UBL5: variants seen among roughly 807,000 people sequenced by gnomAD.
UBL5 encodes the protein ubiquitin like 5, also known as ubiquitin-like protein 5.
A neutral mutation model predicts 11.7 loss-of-function variants in UBL5; 13 were observed. The observed-to-expected ratio is 1.11, with a 90% CI of 0.73 to 1.77. UBL5 has a LOEUF of 1.77. UBL5 is among the 40% of genes most tolerant of loss of function. The pLI, the probability that UBL5 is intolerant of heterozygous loss-of-function variation, is 0.00. For missense variants in UBL5, 58 were observed against 92.3 expected, an observed-to-expected ratio of 0.63 and a Z score of 1.52; for synonymous variants, 28 against 34.7, an observed-to-expected ratio of 0.81 and a Z score of 0.68.
At chr19:9,829,908 G>C in intron 4 of UBL5, 57 bp from the exon 5 acceptor site, 1 of 1,607,860 alleles carries the variant, frequency 6.2e-7, no homozygotes, top group East Asian at 2.2e-5. Context: ...GCTGTGAATG[G>C]ATGAGAGGGG....
At position 9,828,368 on chromosome 19, in the gene UBL5, G is replaced by T. The variant is rs776708888; in HGVS notation, c.31G>T (p.Gly11Trp). ...CGAGGTTGTTTGCAACGACCGTCTG[G>T]GGAAGAAGGTCCGCGTTAAATGCAA... MIEVVCNDRL[G>W]KKVRVKCNTD... The change falls in exon 2 of 5, where the codon GGG (glycine) becomes TGG (tryptophan). Residue 11 changes from glycine to tryptophan, a missense_variant. Physicochemically the swap from Gly to Trp is radical, Grantham distance 184. Coordinates refer to ENST00000586895, the MANE Select transcript of UBL5 (RefSeq NM_001048241.3). 1.9e-6 allele frequency: 3 copies of T among 1,614,112 alleles called. No individual in the cohort carries two copies. In the Admixed American group the frequency reaches 5.0e-5, roughly 27 times the overall value.
intron 3 of UBL5, 22 bp from the exon 4 acceptor site, chr19:9,828,815 C>G: frequency 6.2e-7 from 1 of 1,614,100 alleles, no homozygotes; most frequent in East Asian, 2.2e-5. Flanking sequence ...AGCCTTATCT[C>G]TGAAATGTCT....
At chr19:9,829,915 G>T in intron 4 of UBL5, 50 bp from the exon 5 acceptor site, 1 of 1,610,486 alleles carries the variant, frequency 6.2e-7, no homozygotes, top group African/African-American at 1.3e-5. Context: ...ATGGATGAGA[G>T]GGGTGGGGAC....
intron 4 of UBL5, chr19:9,829,192 A>G: frequency 3.2e-6 from 1 of 313,880 alleles, no homozygotes; most frequent in South Asian, 5.3e-5. Context: ...TATTTTATTT[A>G]TTTATTTTTT....
chr19:9,828,229 G>A, intron 1 of UBL5, 98 bp from the exon 2 acceptor site: 1 of 1,173,766 alleles, frequency 8.5e-7, no homozygotes. Flanking sequence ...GAATTTTAGG[G>A]CCTGGGACTG....
Position 9,828,693 on chromosome 19 carries a change from G to C in UBL5, c.140+18G>C, listed in dbSNP as rs370556447. 9 of 1,614,048 alleles carry C rather than the reference G, an allele frequency of 5.6e-6. No homozygotes were observed. On this transcript the variant is annotated intron_variant, in intron 3 of 4. Coordinates refer to ENST00000586895, the MANE Select transcript of UBL5 (RefSeq NM_001048241.3). The stretch of plus-strand genomic sequence containing the variant: ...AAGAAGTGGTGAGTGCAGCGGTAGA[G>C]CCACTGGGTGGACTGGACTAGGCCG...
rs1324485800 is a variant in UBL5, at chr19:9,828,667, G to A, written c.132G>A (p.Leu44=). ...QTGTRWNKIV[L]KKWYTIFKDH... is the part of the protein sequence containing the mutation. ...GTACCCGTTGGAACAAGATTGTCCT[G>A]AAGAAGTGGTGAGTGCAGCGGTAGA... The change falls in exon 3 of 5, where the codon CTG becomes CTA. Residue 44 remains leucine (L), a synonymous_variant. Transcript: ENST00000586895. The A allele has an allele frequency of 6.2e-7, 1 of 1,614,134 alleles. No homozygotes were observed. Among genetic ancestry groups the A allele is most frequent in the Non-Finnish European group, 8.5e-7 (1 of 1,180,050 alleles).
At position 9,827,952 on chromosome 19, in the gene UBL5, C is replaced by G. The variant is rs976571300; in HGVS notation, c.-44C>G. ...CGGGGTTCAGCGCTCGGGTGAGGAG[C>G]TGGTGGCGTCGGCAGGTTCGAGGCG... On this transcript the variant is annotated 5_prime_UTR_variant, in exon 1 of 5. Coordinates refer to ENST00000586895, the MANE Select transcript of UBL5 (RefSeq NM_001048241.3). The G allele has an allele frequency of 9.3e-6, 3 of 321,080 alleles. No individual in the cohort carries two copies. The highest frequency in any genetic ancestry group is 4.7e-5 in the Admixed American group (1 of 21,504). 19.9% of individuals were successfully genotyped at this position (321,080 alleles called of 1,614,324 possible).
chr19:9,828,904 A>G (rs753257880), intron 4 of UBL5, 30 bp downstream of exon 4: 5 of 1,611,238 alleles, frequency 3.1e-6, no homozygotes, highest in Admixed American at 1.7e-5. Flanking sequence ...TTGAGGAAGC[A>G]TCTACATACC....
At chr19:9,828,482 G>C in intron 2 of UBL5, 89 bp downstream of exon 2, 1 of 1,608,532 alleles carries the variant, frequency 6.2e-7, no homozygotes, top group Non-Finnish European at 8.5e-7. Context: ...GATGGTTTTA[G>C]TTAAACCCGG....
At chr19:9,829,928 A>G in intron 4 of UBL5, 37 bp from the exon 5 acceptor site, 1 of 1,613,762 alleles carries the variant, frequency 6.2e-7, no homozygotes, top group East Asian at 2.2e-5. Context: ...GTGGGGACGG[A>G]AGTCAGAGTC....
intron 3 of UBL5, 79 bp from the exon 4 acceptor site, chr19:9,828,758 C>T: frequency 6.2e-7 from 1 of 1,610,234 alleles, no homozygotes; most frequent in East Asian, 2.2e-5. Flanking sequence ...CAGCCCTTTG[C>T]TTAGGCTTGG....
Position 9,828,886 on chromosome 19 carries a change from G to T in UBL5, c.178+12G>T. Reference sequence around the variant, plus strand: ...GTCTCTGGGGGACTGTATCCTTTGTGTGACTTTTTGAGGAAGCATCTACAT... The same window carrying T: ...GTCTCTGGGGGACTGTATCCTTTGTTTGACTTTTTGAGGAAGCATCTACAT... On this transcript the variant is annotated intron_variant, in intron 4 of 4. Coordinates refer to ENST00000586895, the MANE Select transcript of UBL5 (RefSeq NM_001048241.3). 1.2e-6 allele frequency: 2 copies of T among 1,614,076 alleles called. No homozygotes were observed. The highest frequency in any genetic ancestry group is 1.7e-6 in the Non-Finnish European group (2 of 1,179,916).
chr19:9,829,392 G>T (rs1211334705), intron 4 of UBL5: 1 of 163,118 alleles, frequency 6.1e-6, no homozygotes, highest in Admixed American at 5.8e-5. Context: ...TGTATGCCAG[G>T]CTAGTCTCAA....
intron 4 of UBL5, 40 bp downstream of exon 4, chr19:9,828,914 C>G (rs745732523): frequency 6.2e-6 from 10 of 1,602,616 alleles, no homozygotes; most frequent in South Asian, 1.1e-5. Context: ...ATCTACATAC[C>G]CAGCCTCGGT....
chr19:9,829,754 C>T, intron 4 of UBL5: 1 of 548,348 alleles, frequency 1.8e-6, no homozygotes, highest in Non-Finnish European at 3.2e-6. Flanking sequence ...GCTTCGTCCT[C>T]TCAAAGTGCT....
At chr19:9,828,176 G>T in intron 1 of UBL5, 151 bp from the exon 2 acceptor site, 1 of 722,252 alleles carries the variant, frequency 1.4e-6, no homozygotes, top group Non-Finnish European at 2.3e-6. Flanking sequence ...GGGAGTATTC[G>T]AGTCCGGGGG....
At chr19:9,828,476 GT>G in intron 2 of UBL5, 83 bp downstream of exon 2, 1 of 1,609,640 alleles carries the variant, frequency 6.2e-7, no homozygotes, top group Non-Finnish European at 8.5e-7. Context: ...TTGTCGGATG[GT>G]TTTAGTTAAA....
At position 9,827,979 on chromosome 19, in the gene UBL5, T is replaced by G; in HGVS notation, c.-17T>G. On this transcript the variant is annotated 5_prime_UTR_variant, in exon 1 of 5. Transcript: ENST00000586895. The stretch of plus-strand genomic sequence containing the variant: ...GGTGGCGTCGGCAGGTTCGAGGCGA[T>G]TCGAGGTGAGGGGGTCAAGCGGAGA... 1 of 362,480 alleles carries G rather than the reference T, an allele frequency of 2.8e-6. No individual in the cohort carries two copies. The highest frequency in any genetic ancestry group is 5.1e-6 in the Non-Finnish European group (1 of 194,468). The allele number at this position is 362,480 out of a possible 1,614,324, so 22.5% of individuals were successfully genotyped here.
Sources: allele counts gnomAD v4.1 joint callset, GRCh38; gene constraint gnomAD v4.1.1; transcripts MANE v1.5; gene names NCBI Gene and HGNC (gene_info 2026-07-23, HGNC 2026-07-21).